Variants in FHAD1 observed in about 807,000 individuals in gnomAD.
FHAD1 encodes the protein forkhead associated phosphopeptide binding domain 1.
In FHAD1, 146 loss-of-function variants were observed where a neutral mutation model predicts 191.3. The ratio of observed to expected loss-of-function variants is 0.76; its 90% CI spans 0.67 to 0.88. The LOEUF is 0.88. Among genes scored for constraint, FHAD1 ranks in the 40% least tolerant of loss-of-function variants. The probability of loss-of-function intolerance (pLI) is 0.00; values close to 1 mark genes in which losing one functional copy is unlikely to be tolerated. For synonymous variants in FHAD1, 616 were observed against 672.3 expected (o/e 0.92, Z 1.29); for missense variants, 1,635 against 1,785.8 (o/e 0.92, Z 1.52).
At chr1:15,296,419 A>C (rs1666996378) in intron 4 of FHAD1, among the ~76,000 whole-genome samples, 1 of 151,850 alleles carries the variant, frequency 6.6e-6, no homozygotes, top group Non-Finnish European at 1.5e-5. Context: ...ACACCTGGCT[A>C]ATTTTTTGTA....
chr1:15,247,937 C>T (rs1328273819), intron 1 of FHAD1, among the ~76,000 whole-genome samples: 3 of 152,168 alleles, frequency 2.0e-5, no homozygotes, highest in Admixed American at 2.0e-4. Context: ...AACTAATTTA[C>T]AGAGTTTAAC....
Position 15,395,374 on chromosome 1 carries a change from A to G in FHAD1, c.4324-1923A>G, listed in dbSNP as rs575258248. On this transcript the variant is annotated intron_variant, in intron 33 of 33. Coordinates refer to ENST00000688493, the MANE Select transcript of FHAD1 (RefSeq NM_001391957.1). Reference sequence around the variant, plus strand: ...AGCCCAGGCATCGTCTCTCTCGTGCATGCATGCACTCGGGCACACACACGT... The same window carrying G: ...AGCCCAGGCATCGTCTCTCTCGTGCGTGCATGCACTCGGGCACACACACGT... Among the ~76,000 whole-genome samples the G allele has an allele frequency of 7.3e-5, 11 of 150,570 alleles. No individual in the cohort carries two copies. In the South Asian group the frequency reaches 1.3e-3, roughly 17 times the overall value.
At position 15,289,350 on chromosome 1, in the gene FHAD1, A is replaced by G; in HGVS notation, c.301-49A>G. 6.5e-7 allele frequency: 1 copy of G among 1,527,942 alleles called. No individual in the cohort carries two copies. The highest frequency in any genetic ancestry group is 1.2e-5 in the South Asian group (1 of 81,524). The allele number at this position is 1,527,942 out of a possible 1,614,324, so 94.6% of individuals were successfully genotyped here. A position where few individuals can be genotyped will look rare whatever the true frequency, so the allele number is the denominator to read the frequency against. On this transcript the variant is annotated intron_variant, in intron 3 of 33. Coordinates refer to ENST00000688493, the MANE Select transcript of FHAD1 (RefSeq NM_001391957.1). This position sits in a 1 kb window ranked among gnomAD's most constrained non-coding sequence, Gnocchi z 4.2. ...CTGTGGCTGGGACAAAGAAATGGAGACCATCCCAGCCGGTCATAACCTCCC... is the reference window on the plus strand; with the variant it reads ...CTGTGGCTGGGACAAAGAAATGGAGGCCATCCCAGCCGGTCATAACCTCCC...
chr1:15,381,850 A>G lies in FHAD1; in HGVS notation c.4023-178A>G, dbSNP rs1700985535. Among the ~76,000 whole-genome samples the G allele has an allele frequency of 6.6e-6, 1 of 151,656 alleles. No homozygotes were observed. The highest frequency in any genetic ancestry group is 1.5e-5 in the Non-Finnish European group (1 of 67,992). The stretch of plus-strand genomic sequence containing the variant: ...CCCTCCCGCTACACACATTCGGCTG[A>G]TGAATGGCTCGTTCTGCTCTCTGTA... On this transcript the variant is annotated intron_variant, in intron 30 of 33. Coordinates refer to ENST00000688493, the MANE Select transcript of FHAD1 (RefSeq NM_001391957.1). This position sits in a 1 kb window ranked among gnomAD's most constrained non-coding sequence, Gnocchi z 4.6.
chr1:15,308,772 C>T (rs1671345639), intron 7 of FHAD1, 36 bp downstream of exon 7: 1 of 1,550,656 alleles, frequency 6.4e-7, no homozygotes, highest in African/African-American at 1.4e-5. Context: ...AGCTGCCACT[C>T]CCGCACCCGT....
chr1:15,358,344 C>G (rs1407748552), intron 21 of FHAD1, 61 bp downstream of exon 21: 1 of 1,469,572 alleles, frequency 6.8e-7, no homozygotes, highest in African/African-American at 1.4e-5. Flanking sequence ...TACAGTGCCA[C>G]GAGAATGTGT....
intron 24 of FHAD1, 72 bp downstream of exon 24, chr1:15,366,005 C>T (rs1570300380): frequency 2.7e-6 from 3 of 1,108,286 alleles, no homozygotes; most frequent in East Asian, 5.2e-5. Context: ...GCTAAAGAGT[C>T]GGCCGGGCGC....
rs1701062561 is a variant in FHAD1, at chr1:15,382,167, A to T, written c.4162A>T (p.Ile1388Phe). 6.4e-7 allele frequency: 1 copy of T among 1,551,600 alleles called. No individual in the cohort carries two copies. Among genetic ancestry groups the T allele is most frequent in the Non-Finnish European group, 8.7e-7 (1 of 1,147,072 alleles). The part of the protein sequence containing the change: ...MEHQLCQEKR[I>F]NRAIRQQKES... ...GCACCAGCTGTGCCAGGAGAAGAGG[A>T]TCAACAGGGCCATCCGGCAGCAGAA... is the stretch of plus-strand genomic sequence containing the variant. The change falls in exon 31 of 34, where the codon ATC becomes TTC. Residue 1388 changes from isoleucine to phenylalanine, a missense_variant. Ile to Phe is a conservative substitution (Grantham distance 21). Transcript: ENST00000688493.
chr1:15,350,975 G>A (rs1243585046), intron 19 of FHAD1, among the ~76,000 whole-genome samples: 9 of 152,196 alleles, frequency 5.9e-5, no homozygotes, highest in Non-Finnish European at 8.8e-5. Flanking sequence ...ATACATACGA[G>A]CCAGGGATGG....
intron 26 of FHAD1, among the ~76,000 whole-genome samples, chr1:15,372,535 G>T (rs1444742078): frequency 6.6e-6 from 1 of 152,088 alleles, no homozygotes; most frequent in Non-Finnish European, 1.5e-5. Context: ...GCAAGGGCTG[G>T]TCTGCCTGCT....
At chr1:15,259,963 G>A (rs754174825) in intron 2 of FHAD1, among the ~76,000 whole-genome samples, 5 of 152,204 alleles carry the variant, frequency 3.3e-5, no homozygotes, top group African/African-American at 9.7e-5. Flanking sequence ...GATGAGGGCT[G>A]GATGGCCCTG....
chr1:15,369,157 C>A lies in FHAD1; in HGVS notation c.3315-213C>A, dbSNP rs12758011. On this transcript the variant is annotated intron_variant, in intron 25 of 33. Coordinates refer to ENST00000688493, the MANE Select transcript of FHAD1 (RefSeq NM_001391957.1). ...AGCCACAGCAGGTGTCTTCAGCCCCCGTGCAGGAACCAAGGGCAGGTGTTC... is the reference window on the plus strand; with the variant it reads ...AGCCACAGCAGGTGTCTTCAGCCCCAGTGCAGGAACCAAGGGCAGGTGTTC... Among the ~76,000 whole-genome samples the A allele has an allele frequency of 2.8e-3, 423 of 152,284 alleles. 4 individuals are homozygous for A. The highest frequency in any genetic ancestry group is 5.0e-3 in the Admixed American group (77 of 15,296).
intron 4 of FHAD1, among the ~76,000 whole-genome samples, chr1:15,291,731 C>T (rs1042981350): frequency 6.6e-6 from 1 of 152,126 alleles, no homozygotes; most frequent in African/African-American, 2.4e-5. Flanking sequence ...TTGCATTAAG[C>T]TTTTGACGAG....
intron 26 of FHAD1, among the ~76,000 whole-genome samples, chr1:15,369,840 G>A (rs1303300756): frequency 6.6e-6 from 1 of 152,142 alleles, no homozygotes; most frequent in Non-Finnish European, 1.5e-5. Flanking sequence ...TGTGACCTTG[G>A]GGAGGTCACT....
chr1:15,383,870 A>G (rs1268382239), intron 31 of FHAD1: 1 of 448,428 alleles, frequency 2.2e-6, no homozygotes. Context: ...TGGTAAGGAC[A>G]GCTGGGACCT....
At chr1:15,345,022 G>T (rs1197738196) in intron 16 of FHAD1, 61 bp from the exon 17 acceptor site, 7 of 1,319,164 alleles carry the variant, frequency 5.3e-6, no homozygotes, top group African/African-American at 4.4e-5. Flanking sequence ...GCAGTGCCTG[G>T]CAGCGTCCAA....
At chr1:15,249,326 G>C (rs1232811323) in intron 1 of FHAD1, among the ~76,000 whole-genome samples, 1 of 151,496 alleles carries the variant, frequency 6.6e-6, no homozygotes, top group Non-Finnish European at 1.5e-5. Flanking sequence ...CAGATTTGGG[G>C]TTTTACTCTG....
chr1:15,332,324 G>A (rs964400123), intron 14 of FHAD1, among the ~76,000 whole-genome samples: 3 of 152,184 alleles, frequency 2.0e-5, no homozygotes, highest in Non-Finnish European at 2.9e-5. Flanking sequence ...ATAGAGCCAA[G>A]CTACGTGTGC....
At position 15,360,477 on chromosome 1, in the gene FHAD1, G is replaced by A. The variant is rs1033399407; in HGVS notation, c.2737-1G>A. On this transcript the variant is annotated splice_acceptor_variant, in intron 21 of 33. Transcript: ENST00000688493. LOFTEE classifies it high-confidence loss of function. ...TCACTGAGTGACTCTCTGTTTCCCA[G>A]ATCATGGTGGAAGAGCGGCTAATCC... The A allele has an allele frequency of 1.7e-5, 27 of 1,550,774 alleles. No homozygotes were observed. Among genetic ancestry groups the A allele is most frequent in the Non-Finnish European group, 2.2e-5 (25 of 1,146,794 alleles).
Sources: gnomAD v4.1 joint callset for allele counts (sites outside exome capture counted in the v4.1 genomes callset) on GRCh38, gnomAD v4.1.1 for gene constraint, Gnocchi (gnomAD v3.1) non-coding constraint, MANE v1.5 for transcripts, NCBI Gene and HGNC (gene_info 2026-07-23, HGNC 2026-07-21) for gene names.